STARD13: variants seen among roughly 807,000 people sequenced by gnomAD.
STARD13 encodes stAR-related lipid transfer protein 13.
In STARD13, 62 loss-of-function variants were observed where a neutral mutation model predicts 106.4. The ratio of observed to expected loss-of-function variants is 0.58; its 90% CI spans 0.48 to 0.72. STARD13 has a LOEUF of 0.72. Among genes scored for constraint, STARD13 ranks in the 30% least tolerant of loss-of-function variants. The pLI is 0.00. For missense variants in STARD13, 1,387 were observed against 1,424.0 expected (o/e 0.97, Z 0.42); for synonymous variants, 565 against 553.0 (o/e 1.02, Z -0.31).
At chr13:33,346,197 C>T (rs917225105), downstream of STARD13, among the ~76,000 whole-genome samples, 2 of 152,182 alleles carry the variant, frequency 1.3e-5, no homozygotes, top group South Asian at 2.1e-4. Flanking sequence ...ACTAGGTGAG[C>T]GAGCTTGGAA....
At chr13:33,667,024 G>C in the STARD13 span, among the ~76,000 whole-genome samples, 1 of 152,218 alleles carries the variant, frequency 6.6e-6, no homozygotes, top group South Asian at 2.1e-4. Flanking sequence ...ACCCAAGAAT[G>C]TTCACCAAAC....
chr13:33,269,649 A>G (rs1392877770), intron 1 of STARD13, among the ~76,000 whole-genome samples: 1 of 152,244 alleles, frequency 6.6e-6, no homozygotes, highest in Non-Finnish European at 1.5e-5. Flanking sequence ...AGAGTCCCTC[A>G]GTCTATGGCA....
At chr13:33,393,855 T>C in the STARD13 span, among the ~76,000 whole-genome samples, 2 of 152,236 alleles carry the variant, frequency 1.3e-5, no homozygotes, top group African/African-American at 4.8e-5. Flanking sequence ...CTTATTATAA[T>C]GATAACAAAT....
chr13:33,266,660 G>A (rs112675995), intron 1 of STARD13, among the ~76,000 whole-genome samples: 45 of 152,254 alleles, frequency 3.0e-4, no homozygotes, highest in African/African-American at 1.1e-3. Context: ...TTCTTCCCAT[G>A]GCTCAGGCCC....
At chr13:33,544,599 C>T in the STARD13 span, among the ~76,000 whole-genome samples, 1 of 152,118 alleles carries the variant, frequency 6.6e-6, no homozygotes, top group Non-Finnish European at 1.5e-5. Context: ...TTCCCCCTCT[C>T]TGCTCTAGCC....
chr13:33,442,040 A>G, the STARD13 span, among the ~76,000 whole-genome samples: 1 of 152,260 alleles, frequency 6.6e-6, no homozygotes, highest in African/African-American at 2.4e-5. Context: ...GGAAGCAAAT[A>G]TATTTAATGA....
chr13:33,413,790 G>A, the STARD13 span, among the ~76,000 whole-genome samples: 1 of 152,106 alleles, frequency 6.6e-6, no homozygotes, highest in Non-Finnish European at 1.5e-5. Flanking sequence ...CCAGCACTTT[G>A]GGAGGTCGAG....
At chr13:33,177,122 C>A (rs1884599918) in intron 1 of STARD13, among the ~76,000 whole-genome samples, 1 of 152,168 alleles carries the variant, frequency 6.6e-6, no homozygotes, top group African/African-American at 2.4e-5. Flanking sequence ...GAATTTAATT[C>A]CCTGGCTAGC....
chr13:33,645,740 T>C, the STARD13 span, among the ~76,000 whole-genome samples: 1 of 152,294 alleles, frequency 6.6e-6, no homozygotes, highest in Non-Finnish European at 1.5e-5. Flanking sequence ...CAAGTGGCTT[T>C]AGAGTGGGGT....
At chr13:33,138,028 C>T (rs937353806) in intron 4 of STARD13, among the ~76,000 whole-genome samples, 1 of 152,336 alleles carries the variant, frequency 6.6e-6, no homozygotes, top group African/African-American at 2.4e-5. Context: ...GGCAATTAGT[C>T]ATGGTTTCTG....
intron 1 of STARD13, among the ~76,000 whole-genome samples, chr13:33,265,235 C>A (rs1325409624): frequency 2.0e-5 from 3 of 152,150 alleles, no homozygotes; most frequent in Admixed American, 1.3e-4. Context: ...ATAAAATACT[C>A]TATGAGTATT....
At chr13:33,117,724 G>C (rs1476213184) in intron 8 of STARD13, 1 of 912,548 alleles carries the variant, frequency 1.1e-6, no homozygotes, top group East Asian at 1.2e-4. Context: ...AATTGAATAA[G>C]TTTTAATAAA....
chr13:33,202,813 A>G (rs1312445049), intron 1 of STARD13, among the ~76,000 whole-genome samples: 3 of 152,130 alleles, frequency 2.0e-5, no homozygotes, highest in East Asian at 1.9e-4. Flanking sequence ...TAGTGAAGTC[A>G]TCTGGTGGGT....
At chr13:33,118,764 T>G (rs1229022400) in intron 7 of STARD13, among the ~76,000 whole-genome samples, 5 of 152,176 alleles carry the variant, frequency 3.3e-5, no homozygotes, top group Non-Finnish European at 5.9e-5. Context: ...TAAACAGCCA[T>G]ATCCAGTGCC....
chr13:33,546,787 G>A, the STARD13 span, among the ~76,000 whole-genome samples: 7 of 151,998 alleles, frequency 4.6e-5, no homozygotes, highest in Non-Finnish European at 1.0e-4. Flanking sequence ...GGGATTACAG[G>A]CAAGATTAAT....
At chr13:33,497,092 G>T in the STARD13 span, among the ~76,000 whole-genome samples, 1 of 152,064 alleles carries the variant, frequency 6.6e-6, no homozygotes, top group Non-Finnish European at 1.5e-5. Flanking sequence ...AAGAATAAAA[G>T]ACAGGCTTAG....
chr13:33,366,371 T>C, the STARD13 span, among the ~76,000 whole-genome samples: 1 of 152,202 alleles, frequency 6.6e-6, no homozygotes, highest in African/African-American at 2.4e-5. The surrounding 1 kb of genome is among the most constrained non-coding windows in gnomAD (Gnocchi z 4.2). Context: ...CCCTGTAAGC[T>C]GGACACTGTA....
chr13:33,538,136 C>A, the STARD13 span, among the ~76,000 whole-genome samples: 2 of 152,182 alleles, frequency 1.3e-5, no homozygotes, highest in South Asian at 2.1e-4. Flanking sequence ...AAAAAAATGA[C>A]CCCGCCTCTG....
intron 1 of STARD13, among the ~76,000 whole-genome samples, chr13:33,254,406 T>C (rs1890236444): frequency 1.3e-5 from 2 of 152,158 alleles, no homozygotes; most frequent in Non-Finnish European, 2.9e-5. Context: ...TTGAGTATTG[T>C]TTTAGGCCTC....
Sources: gnomAD v4.1 joint callset for allele counts (sites outside exome capture counted in the v4.1 genomes callset) on GRCh38, gnomAD v4.1.1 for gene constraint, Gnocchi (gnomAD v3.1) non-coding constraint, MANE v1.5 for transcripts, NCBI Gene and HGNC (gene_info 2026-07-23, HGNC 2026-07-21) for gene names.